The following KLHL4 variants were observed in gnomAD, a reference collection of about 807,000 sequenced individuals.
The protein encoded by KLHL4 is kelch-like protein 4.
A neutral mutation model predicts 45.8 loss-of-function variants in KLHL4; 17 were observed. The ratio of observed to expected loss-of-function variants is 0.37; its 90% CI spans 0.25 to 0.56. KLHL4 has a LOEUF of 0.56. Ranked by LOEUF, KLHL4 falls within the 20% of genes least tolerant of loss-of-function variation. The pLI is 0.79. For missense variants in KLHL4, 544 were observed against 544.9 expected (o/e 1.00, Z 0.02); for synonymous variants, 224 against 189.9 (o/e 1.18, Z -1.47).
rs185973877 is a variant in KLHL4 at position 87,656,934 on chromosome X, A to G, written c.1926-7830A>G. On this transcript the variant is annotated intron_variant, in intron 9 of 10. Transcript: ENST00000373119. ...CATTCAAGATCAGGCTTTGAGTCTCAGTGTTTTCAGTGGCAAAGACTCTGT... is the reference window on the plus strand; with the variant it reads ...CATTCAAGATCAGGCTTTGAGTCTCGGTGTTTTCAGTGGCAAAGACTCTGT... Among the ~76,000 whole-genome samples the G allele has an allele frequency of 4.2e-3, 468 of 111,800 alleles. 1 individual carries two copies. The highest frequency in any genetic ancestry group is 7.5e-3 in the Non-Finnish European group (401 of 53,197).
Position 87,554,565 on chromosome X carries a change from T to C in KLHL4, c.422+36250T>C, listed in dbSNP as rs1455732268. On this transcript the variant is annotated intron_variant, in intron 1 of 10. Transcript: ENST00000373119. ...AATGCTTGTGATTTTTGCACATTGA[T>C]TTTGTATCCTGAGACTTTGCTGAAG... is the stretch of plus-strand genomic sequence containing the variant. Among the ~76,000 whole-genome samples, 14 of 101,563 alleles carry C rather than the reference T, an allele frequency of 1.4e-4. No individual in the cohort carries two copies. In the East Asian group the frequency reaches 1.4e-3, roughly 10 times the overall value. The allele number at this position is 101,563 out of a possible 115,157, so 88.2% of individuals were successfully genotyped here. A position where few individuals can be genotyped will look rare whatever the true frequency, so the allele number is the denominator to read the frequency against.
rs964605351 is a variant in KLHL4, at chrX:87,668,865, A to G, written c.*2331A>G. 33 of 619,745 alleles carry G rather than the reference A, an allele frequency of 5.3e-5. No individual in the cohort carries two copies. The highest frequency in any genetic ancestry group is 6.0e-5 in the Non-Finnish European group (31 of 518,080). The allele number at this position is 619,745 out of a possible 1,213,427, so 51.1% of individuals were successfully genotyped here. A position where few individuals can be genotyped will look rare whatever the true frequency, so the allele number is the denominator to read the frequency against. ...AGACTTCTCAGCCTGCCTAACTGTA[A>G]GAAATTAATTCTTTTTCTTTATAAA... is the stretch of plus-strand genomic sequence containing the variant. On this transcript the variant is annotated 3_prime_UTR_variant, in exon 11 of 11. Coordinates refer to ENST00000373119, the MANE Select transcript of KLHL4 (RefSeq NM_019117.5).
chrX:87,617,221 T>A (rs1039888498), intron 3 of KLHL4, among the ~76,000 whole-genome samples: 2 of 110,684 alleles, frequency 1.8e-5, no homozygotes, highest in Non-Finnish European at 3.8e-5. Context: ...GTTTTTTTTT[T>A]TATAACAAAG....
intron 1 of KLHL4, among the ~76,000 whole-genome samples, chrX:87,565,599 G>A (rs1932189316): frequency 9.7e-6 from 1 of 103,268 alleles, no homozygotes; most frequent in Admixed American, 1.1e-4. Flanking sequence ...GGTGGCACAT[G>A]CCTGTAAACC....
At chrX:87,523,486 T>C (rs1448075452) in intron 1 of KLHL4, among the ~76,000 whole-genome samples, 2 of 111,289 alleles carry the variant, frequency 1.8e-5, no homozygotes, top group Non-Finnish European at 1.9e-5. Flanking sequence ...CATCTTGTAG[T>C]GCTAGAAAAT....
At chrX:87,533,367 T>C (rs1220338973) in intron 1 of KLHL4, among the ~76,000 whole-genome samples, 5 of 96,945 alleles carry the variant, frequency 5.2e-5, no homozygotes, top group African/African-American at 1.5e-4. Flanking sequence ...TGGAATACTA[T>C]GCAGCCATAA....
At chrX:87,622,533 G>T in intron 5 of KLHL4, 110 bp downstream of exon 5, 1 of 490,997 alleles carries the variant, frequency 2.0e-6, no homozygotes, top group South Asian at 5.1e-5. Flanking sequence ...CTGGTAATTT[G>T]AGTGTACAAG....
intron 6 of KLHL4, among the ~76,000 whole-genome samples, chrX:87,631,623 G>A (rs1439506776): frequency 9.0e-6 from 1 of 111,332 alleles, no homozygotes; most frequent in African/African-American, 3.3e-5. Flanking sequence ...GTGGTCTTCC[G>A]ACCTCAGCCT....
intron 1 of KLHL4, among the ~76,000 whole-genome samples, chrX:87,552,155 G>A (rs911635288): frequency 5.4e-5 from 6 of 110,839 alleles, no homozygotes; most frequent in South Asian, 7.5e-4. Context: ...ATCTGGCAAA[G>A]GACTAATATC....
At chrX:87,660,712 C>T (rs1401242519) in intron 9 of KLHL4, among the ~76,000 whole-genome samples, 2 of 112,110 alleles carry the variant, frequency 1.8e-5, no homozygotes, top group African/African-American at 6.5e-5. Context: ...GGCATTGTCG[C>T]GCATGCCTGT....
chrX:87,612,790 A>G (rs1458154159), intron 1 of KLHL4, among the ~76,000 whole-genome samples: 1 of 111,459 alleles, frequency 9.0e-6, no homozygotes, highest in Non-Finnish European at 1.9e-5. Context: ...TCGACATTGA[A>G]TGTTTGACTC....
At chrX:87,594,968 C>T (rs1921791230) in intron 1 of KLHL4, among the ~76,000 whole-genome samples, 1 of 109,746 alleles carries the variant, frequency 9.1e-6, no homozygotes, top group South Asian at 3.9e-4. Flanking sequence ...AAGCTTTGTT[C>T]CAGGGGGTAG....
intron 1 of KLHL4, among the ~76,000 whole-genome samples, chrX:87,560,696 A>G (rs1271653559): frequency 8.9e-6 from 1 of 111,841 alleles, no homozygotes; most frequent in Non-Finnish European, 1.9e-5. Context: ...AAGTGGAATC[A>G]TGTAGCATAT....
At chrX:87,552,546 A>G (rs946991866) in intron 1 of KLHL4, among the ~76,000 whole-genome samples, 1 of 111,140 alleles carries the variant, frequency 9.0e-6, no homozygotes, top group Non-Finnish European at 1.9e-5. Flanking sequence ...CAATCCCACT[A>G]CTTGGTATCT....
At chrX:87,633,386 A>C (rs765959794) in intron 7 of KLHL4, among the ~76,000 whole-genome samples, 11 of 112,113 alleles carry the variant, frequency 9.8e-5, no homozygotes, top group Non-Finnish European at 1.7e-4. Context: ...GGTTTATCTA[A>C]GAATCAACAT....
At chrX:87,571,748 G>A (rs1932338097) in intron 1 of KLHL4, among the ~76,000 whole-genome samples, 1 of 111,023 alleles carries the variant, frequency 9.0e-6, no homozygotes, top group South Asian at 3.7e-4. Context: ...TGAAACAGAA[G>A]TATTTGTCAT....
At chrX:87,577,637 C>T (rs971516472) in intron 1 of KLHL4, among the ~76,000 whole-genome samples, 1 of 111,583 alleles carries the variant, frequency 9.0e-6, no homozygotes, top group Non-Finnish European at 1.9e-5. Flanking sequence ...AGATTTGCTT[C>T]AGCCTCAGAG....
chrX:87,644,645 T>A (rs1433826760), intron 9 of KLHL4, among the ~76,000 whole-genome samples: 1 of 111,922 alleles, frequency 8.9e-6, no homozygotes, highest in Non-Finnish European at 1.9e-5. Context: ...CACAGCCTGA[T>A]TTCAAACCAG....
At chrX:87,647,847 C>T (rs749495441) in intron 9 of KLHL4, among the ~76,000 whole-genome samples, 1 of 111,083 alleles carries the variant, frequency 9.0e-6, no homozygotes, top group South Asian at 3.8e-4. Context: ...GTTCATTAAA[C>T]ACCAATAGAA....
Sources: gnomAD v4.1 joint callset for allele counts (sites outside exome capture counted in the v4.1 genomes callset) on GRCh38, gnomAD v4.1.1 for gene constraint, MANE v1.5 for transcripts, NCBI Gene and HGNC (gene_info 2026-07-23, HGNC 2026-07-21) for gene names.